ROBO2: variants seen among roughly 807,000 people sequenced by gnomAD.
ROBO2 encodes the protein roundabout homolog 2.
In ROBO2, 53 loss-of-function variants were observed where a neutral mutation model predicts 160.8. The ratio of observed to expected loss-of-function variants is 0.33; its 90% CI spans 0.26 to 0.41. ROBO2 has a LOEUF of 0.41. Ranked by LOEUF, ROBO2 falls within the 10% of genes least tolerant of loss-of-function variation. The pLI is 1.00. For synonymous variants in ROBO2, 664 were observed against 611.7 expected (o/e 1.09, Z -1.26); for missense variants, 1,577 against 1,722.4 (o/e 0.92, Z 1.49).
chr3:76,107,769 G>C (rs916155633), intron 2 of ROBO2, among the ~76,000 whole-genome samples: 2 of 151,956 alleles, frequency 1.3e-5, no homozygotes, highest in South Asian at 2.1e-4. Flanking sequence ...GTCACTAACG[G>C]TTTCTGTTAC....
intron 2 of ROBO2, among the ~76,000 whole-genome samples, chr3:76,873,828 AGGTTCTCTTTG>A (rs1475077814): frequency 6.6e-6 from 1 of 152,164 alleles, no homozygotes; most frequent in Non-Finnish European, 1.5e-5. Context: ...CTTAGAAAAG[AGGTTCTCTTTG>A]CATTCCTTAT....
chr3:77,642,058 T>G (rs1036394334), intron 24 of ROBO2, among the ~76,000 whole-genome samples: 1 of 152,200 alleles, frequency 6.6e-6, no homozygotes, highest in African/African-American at 2.4e-5. Context: ...TGTAATATAT[T>G]AGTTGTAACT....
intron 23 of ROBO2, chr3:77,632,557 G>C (rs2095186543): frequency 6.5e-7 from 1 of 1,535,864 alleles, no homozygotes; most frequent in Non-Finnish European, 8.7e-7. Context: ...TAGCTCCTCA[G>C]ATGGCTCTAT....
intron 2 of ROBO2, among the ~76,000 whole-genome samples, chr3:77,324,726 G>A (rs6796710): frequency 0.042 from 6,229 of 148,610 alleles, 200 homozygotes; most frequent in Non-Finnish European, 0.063. Context: ...AGCTTGCAGT[G>A]AGCCGAGATC....
intron 2 of ROBO2, among the ~76,000 whole-genome samples, chr3:76,225,232 A>C (rs933834898): frequency 1.3e-5 from 2 of 152,176 alleles, no homozygotes; most frequent in Non-Finnish European, 2.9e-5. Flanking sequence ...ATTGAATTCA[A>C]ATTTTTCAAT....
intron 2 of ROBO2, among the ~76,000 whole-genome samples, chr3:76,932,778 C>T (rs1205891950): frequency 6.6e-6 from 1 of 152,128 alleles, no homozygotes; most frequent in Admixed American, 6.5e-5. Context: ...TCACTACCAA[C>T]ATAAAACTGA....
At chr3:76,034,628 A>G (rs1163001362) in intron 2 of ROBO2, among the ~76,000 whole-genome samples, 2 of 152,186 alleles carry the variant, frequency 1.3e-5, no homozygotes, top group Non-Finnish European at 2.9e-5. Flanking sequence ...AAATTATACA[A>G]TTCTACTTCC....
chr3:77,160,606 T>C (rs1226429205), intron 2 of ROBO2, among the ~76,000 whole-genome samples: 3 of 152,232 alleles, frequency 2.0e-5, no homozygotes, highest in East Asian at 1.9e-4. Context: ...TAAACTGATA[T>C]ATGTAATACA....
chr3:76,864,143 T>G (rs1194337734), intron 2 of ROBO2, among the ~76,000 whole-genome samples: 1 of 152,084 alleles, frequency 6.6e-6, no homozygotes, highest in Non-Finnish European at 1.5e-5. Flanking sequence ...GCCACAGATT[T>G]TAAAAAATTA....
chr3:77,027,397 G>T (rs542167005), intron 2 of ROBO2, among the ~76,000 whole-genome samples: 6 of 152,164 alleles, frequency 3.9e-5, no homozygotes, highest in African/African-American at 1.4e-4. Flanking sequence ...GCCGTTGTGG[G>T]TATAAGAGAG....
At chr3:76,763,267 A>T (rs910352052) in intron 2 of ROBO2, among the ~76,000 whole-genome samples, 2 of 151,710 alleles carry the variant, frequency 1.3e-5, no homozygotes, top group African/African-American at 2.4e-5. Flanking sequence ...TACCCATTGC[A>T]CCTACTTCTC....
At chr3:77,399,345 T>A (rs1042633805) in intron 2 of ROBO2, among the ~76,000 whole-genome samples, 37 of 152,166 alleles carry the variant, frequency 2.4e-4, no homozygotes, top group African/African-American at 8.2e-4. Flanking sequence ...TGGTGACAAG[T>A]AGTCAGGATA....
At chr3:76,235,985 G>C (rs1704920290) in intron 2 of ROBO2, among the ~76,000 whole-genome samples, 1 of 152,060 alleles carries the variant, frequency 6.6e-6, no homozygotes, top group Admixed American at 6.6e-5. Context: ...GAATGGATTG[G>C]TAATTTCATA....
chr3:77,600,453 T>C (rs2094408461), intron 19 of ROBO2, among the ~76,000 whole-genome samples: 1 of 152,216 alleles, frequency 6.6e-6, no homozygotes, highest in South Asian at 2.1e-4. Context: ...ATTAGTTGTA[T>C]AGCAATATTA....
intron 2 of ROBO2, among the ~76,000 whole-genome samples, chr3:76,002,136 C>T (rs1264932886): frequency 6.6e-6 from 1 of 152,082 alleles, no homozygotes; most frequent in Admixed American, 6.5e-5. Context: ...GTGAATGTGA[C>T]CTTGTATGGA....
intron 2 of ROBO2, among the ~76,000 whole-genome samples, chr3:76,743,412 T>G (rs2108076260): frequency 6.6e-6 from 1 of 152,242 alleles, no homozygotes; most frequent in African/African-American, 2.4e-5. Flanking sequence ...CATGGCTCAA[T>G]ATTCCCATTA....
chr3:76,331,728 G>C (rs562539627), intron 2 of ROBO2, among the ~76,000 whole-genome samples: 2 of 146,766 alleles, frequency 1.4e-5, no homozygotes, highest in Admixed American at 6.9e-5. Flanking sequence ...TCACTCTGTC[G>C]CCCAGGCCTG....
chr3:76,947,702 C>T (rs2078654316), intron 2 of ROBO2, among the ~76,000 whole-genome samples: 1 of 151,060 alleles, frequency 6.6e-6, no homozygotes, highest in African/African-American at 2.4e-5. Context: ...CAATCGATGA[C>T]ATGGGACTGG....
chr3:76,989,456 G>A (rs1482079606), intron 2 of ROBO2, among the ~76,000 whole-genome samples: 7 of 151,838 alleles, frequency 4.6e-5, no homozygotes. Context: ...TCCCATTATA[G>A]TCTCTGTAAG....
Sources: allele counts gnomAD v4.1 joint callset (sites outside exome capture counted in the v4.1 genomes callset), GRCh38; gene constraint gnomAD v4.1.1; transcripts MANE v1.5; gene names NCBI Gene and HGNC (gene_info 2026-07-23, HGNC 2026-07-21).